The following ZNF28 variants were observed in gnomAD, a reference collection of about 807,000 sequenced individuals.
ZNF28 encodes zinc finger protein KOX24.
In ZNF28, 5 loss-of-function variants were observed where a neutral mutation model predicts 7.2. The observed-to-expected ratio is 0.70, with a 90% CI of 0.36 to 1.46. The LOEUF (loss-of-function observed/expected upper bound fraction) is 1.46, where lower values mean the gene tolerates loss of function less well. Among genes scored for constraint, ZNF28 ranks in the 40% most tolerant of loss-of-function variants. The probability of loss-of-function intolerance (pLI) is 0.03; values close to 1 mark genes in which losing one functional copy is unlikely to be tolerated. For missense variants in ZNF28, 879 were observed against 866.6 expected, an observed-to-expected ratio of 1.01 and a Z score of -0.18; for synonymous variants, 288 against 292.4, an observed-to-expected ratio of 0.99 and a Z score of 0.15.
rs2062827352 is a variant in ZNF28 at position 52,798,814 on chromosome 19, A to G, written c.*874T>C. The G allele has an allele frequency of 2.4e-6, 2 of 849,738 alleles. No homozygotes were observed. The highest frequency in any genetic ancestry group is 3.7e-6 in the Non-Finnish European group (2 of 536,926). The allele number at this position is 849,738 out of a possible 1,614,324, so 52.6% of individuals were successfully genotyped here. On this transcript the variant is annotated 3_prime_UTR_variant, in exon 4 of 4. Coordinates refer to ENST00000457749, the MANE Select transcript of ZNF28 (RefSeq NM_006969.5). ...TTCTCCAATGATTTGCAATGGTTGT[A>G]GCATTACTGAAAACTTTGTGACAAT...
intron 1 of ZNF28, among the ~76,000 whole-genome samples, chr19:52,818,852 A>C (rs1448374369): frequency 7.0e-6 from 1 of 143,060 alleles, no homozygotes; most frequent in Non-Finnish European, 1.5e-5. Context: ...GACTGCACTC[A>C]TAGCCTGGAG....
chr19:52,817,569 C>T (rs12459154), intron 2 of ZNF28, among the ~76,000 whole-genome samples: 88,530 of 151,360 alleles, frequency 0.58, 27,078 homozygotes, highest in Non-Finnish European at 0.69. Flanking sequence ...ACTTTGTGCA[C>T]ATTAATACTT....
chr19:52,800,191 TGTACG>T lies in ZNF28; in HGVS notation c.1649_1653del (p.Pro550GlnfsTer3), dbSNP rs1568645017. 6.2e-7 allele frequency: 1 copy of T among 1,613,376 alleles called. No homozygotes were observed. The highest frequency in any genetic ancestry group is 1.3e-5 in the African/African-American group (1 of 74,800). On this transcript the variant is annotated frameshift_variant, in exon 4 of 4. Coordinates refer to ENST00000457749, the MANE Select transcript of ZNF28 (RefSeq NM_006969.5). LOFTEE classifies it low-confidence loss of function (END_TRUNC). ...AAAACTTTCTCACATTCTTCACATT[TGTACG>T]GTTTCTCTGCAGTATGAAGTTTATG...
At chr19:52,811,485 A>T (rs992157658) in intron 2 of ZNF28, among the ~76,000 whole-genome samples, 2 of 148,040 alleles carry the variant, frequency 1.4e-5, no homozygotes, top group Non-Finnish European at 3.0e-5. Context: ...CTAGGAAGTG[A>T]GGAGCGTCTC....
intron 2 of ZNF28, among the ~76,000 whole-genome samples, chr19:52,811,471 C>A (rs1459874885): frequency 6.8e-6 from 1 of 147,954 alleles, no homozygotes; most frequent in Non-Finnish European, 1.5e-5. Context: ...CGCCGCCATC[C>A]CATCTAGGAA....
intron 3 of ZNF28, among the ~76,000 whole-genome samples, chr19:52,802,160 T>C (rs1355552573): frequency 6.6e-6 from 1 of 152,252 alleles, no homozygotes; most frequent in East Asian, 1.9e-4. Flanking sequence ...CCAAAATCAA[T>C]GGAAATTCTG....
intron 3 of ZNF28, among the ~76,000 whole-genome samples, chr19:52,806,231 T>C (rs2062935371): frequency 1.3e-5 from 2 of 152,000 alleles, no homozygotes; most frequent in African/African-American, 4.8e-5. Context: ...TTTCACTCTG[T>C]CTCCCATGCT....
In ZNF28 at chr19:52,800,531, A is replaced by G. The variant is rs746186614; in HGVS notation, c.1314T>C (p.Pro438=). The part of the protein sequence containing the change: ...KHSIIHTGEK[P]YKCNECGKVF... ...CCTTGCCACATTCATTACACTTGTA[A>G]GGCTTCTCTCCAGTGTGAATTATAC... Residue 438 remains proline, a synonymous_variant, in exon 4 of 4, where the codon CCT becomes CCC. Coordinates refer to ENST00000457749, the MANE Select transcript of ZNF28 (RefSeq NM_006969.5). 9 of 1,611,710 alleles carry G rather than the reference A, an allele frequency of 5.6e-6. No individual in the cohort carries two copies. The Admixed American group carries it at 1.2e-4, about 21-fold the overall frequency.
At chr19:52,806,372 T>C (rs1271802864) in intron 3 of ZNF28, among the ~76,000 whole-genome samples, 5 of 152,034 alleles carry the variant, frequency 3.3e-5, no homozygotes, top group Admixed American at 2.6e-4. Context: ...TTTTGTAACT[T>C]TAGTAGAGAC....
chr19:52,800,568 A>G lies in ZNF28; in HGVS notation c.1277T>C (p.Leu426Pro). ...CDKAFAYNSY[L>P]AKHSIIHTGE... ...AGTGTGAATTATACTATGTTTTGCC[A>G]GGTATGAATTATATGCAAAAGCCTT... The change falls in exon 4 of 4, where the codon CTG becomes CCG. Residue 426 changes from leucine (L) to proline (P), a missense_variant. By Grantham distance (98) the Leu-to-Pro change is moderately conservative (BLOSUM62 -3). Around this residue, in one of 2 missense-constraint regions of ZNF28, gnomAD observed 864 missense variants for 830.2 expected, o/e 1.04. Transcript: ENST00000457749. The G allele has an allele frequency of 6.2e-7, 1 of 1,613,194 alleles. No homozygotes were observed. Among genetic ancestry groups the G allele is most frequent in the Non-Finnish European group, 8.5e-7 (1 of 1,179,794 alleles).
chr19:52,804,680 C>T (rs8112562), intron 3 of ZNF28, among the ~76,000 whole-genome samples: 2,586 of 152,126 alleles, frequency 0.017, 81 homozygotes, highest in African/African-American at 0.059. Context: ...CCATTTTTGG[C>T]ATTTAGTAAA....
intron 2 of ZNF28, among the ~76,000 whole-genome samples, chr19:52,815,831 A>G (rs1168540830): frequency 6.8e-6 from 1 of 146,882 alleles, no homozygotes; most frequent in Non-Finnish European, 1.5e-5. Flanking sequence ...TCTCAAAAAA[A>G]ATAAATAACT....
At position 52,812,764 on chromosome 19, in the gene ZNF28, A is replaced by T. The variant is rs1394185472; in HGVS notation, c.16-4631T>A. 9.0e-3 allele frequency among the ~76,000 whole-genome samples: 98 copies of T among 10,878 alleles called. No individual in the cohort carries two copies. In the East Asian group the frequency reaches 0.18, roughly 19 times the overall value. The allele number at this position is 10,878 out of a possible 152,430, so 7.1% of individuals were successfully genotyped here. A position where few individuals can be genotyped will look rare whatever the true frequency, so the allele number is the denominator to read the frequency against. On this transcript the variant is annotated intron_variant, in intron 2 of 3. Coordinates refer to ENST00000457749, the MANE Select transcript of ZNF28 (RefSeq NM_006969.5). ...GAGAAACACCCAAGAATGATCAATAAAAAAAAAAAAAAAAAAAAAAAAAGT... is the reference window on the plus strand; with the variant it reads ...GAGAAACACCCAAGAATGATCAATATAAAAAAAAAAAAAAAAAAAAAAAGT...
chr19:52,810,953 G>C (rs1433796480), intron 2 of ZNF28, among the ~76,000 whole-genome samples: 1 of 131,414 alleles, frequency 7.6e-6, no homozygotes, highest in African/African-American at 2.8e-5. Flanking sequence ...AAAGCTGGAC[G>C]GTACTGCTGC....
In ZNF28 at chr19:52,810,838, AGTCCC is replaced by A. The variant is rs1271020419; in HGVS notation, c.16-2710_16-2706del. Reference sequence around the variant, plus strand: ...AATATATATATATTTTTAAAAAAAGAGTCCCTCTCCCTCTCCCTCTCCCCCTCCCC... The same window carrying A: ...AATATATATATATTTTTAAAAAAAGATCTCCCTCTCCCTCTCCCCCTCCCC... On this transcript the variant is annotated intron_variant, in intron 2 of 3. Coordinates refer to ENST00000457749, the MANE Select transcript of ZNF28 (RefSeq NM_006969.5). The A allele has an allele frequency of 8.0e-3, 1,637 of 204,936 alleles. 104 individuals carry two copies. Among genetic ancestry groups the A allele is most frequent in the African/African-American group, 0.04 (960 of 23,940 alleles). 12.7% of individuals were successfully genotyped at this position (204,936 alleles called of 1,614,324 possible). A position where few individuals can be genotyped will look rare whatever the true frequency, so the allele number is the denominator to read the frequency against.
At chr19:52,820,773 C>T (rs1404235878) in intron 1 of ZNF28, among the ~76,000 whole-genome samples, 5 of 152,300 alleles carry the variant, frequency 3.3e-5, no homozygotes, top group Admixed American at 2.6e-4. Context: ...CTTTTCTCCT[C>T]CTGCTTTCTT....
At chr19:52,811,895 A>T (rs868166996) in intron 2 of ZNF28, among the ~76,000 whole-genome samples, 329 of 79,370 alleles carry the variant, frequency 4.1e-3, no homozygotes, top group Middle Eastern at 0.019. Flanking sequence ...GGTGGGGGGG[A>T]CAGCCCCCCG....
Position 52,799,552 on chromosome 19 carries a change from G to T in ZNF28, c.*136C>A. The T allele has an allele frequency of 6.8e-7, 1 of 1,477,224 alleles. No homozygotes were observed. The allele number at this position is 1,477,224 out of a possible 1,614,324, so 91.5% of individuals were successfully genotyped here. A position where few individuals can be genotyped will look rare whatever the true frequency, so the allele number is the denominator to read the frequency against. ...TTCTCTCCAGTATGAATGGCTTTGT[G>T]ACTTACAAGGGTTGAATTGTGATGG... is the stretch of plus-strand genomic sequence containing the variant. On this transcript the variant is annotated 3_prime_UTR_variant, in exon 4 of 4. Transcript: ENST00000457749.
chr19:52,819,628 G>A lies in ZNF28; in HGVS notation c.-73-1597C>T, dbSNP rs2063170648. 4.7e-5 allele frequency among the ~76,000 whole-genome samples: 6 copies of A among 129,000 alleles called. No homozygotes were observed. In the Admixed American group the frequency reaches 4.7e-4, roughly 10 times the overall value. The allele number at this position is 129,000 out of a possible 152,430, so 84.6% of individuals were successfully genotyped here. On this transcript the variant is annotated intron_variant, in intron 1 of 3. Coordinates refer to ENST00000457749, the MANE Select transcript of ZNF28 (RefSeq NM_006969.5). ...GGAAACATTTTCACGAAGTTACCCTGAGAAGGTCTGAGATGAGTGAGAAGG... is the reference window on the plus strand; with the variant it reads ...GGAAACATTTTCACGAAGTTACCCTAAGAAGGTCTGAGATGAGTGAGAAGG...
Sources: gnomAD v4.1 joint callset for allele counts (sites outside exome capture counted in the v4.1 genomes callset) on GRCh38, gnomAD v4.1.1 for gene constraint, gnomAD v4.1.1 regional missense constraint, MANE v1.5 for transcripts, NCBI Gene and HGNC (gene_info 2026-07-23, HGNC 2026-07-21) for gene names.